Variants in MCPH1 observed in about 807,000 individuals in gnomAD.
MCPH1 encodes microcephalin.
A neutral mutation model predicts 84.5 loss-of-function variants in MCPH1; 104 were observed. The ratio of observed to expected loss-of-function variants is 1.23; its 90% CI spans 1.05 to 1.45. The LOEUF is 1.45. Ranked by LOEUF, MCPH1 falls within the 40% of genes most tolerant of loss-of-function variation. MCPH1 has a pLI of 0.00. For missense variants in MCPH1, 1,498 were observed against 1,005.7 expected, an observed-to-expected ratio of 1.49 and a Z score of -6.62; for synonymous variants, 514 against 366.8, an observed-to-expected ratio of 1.40 and a Z score of -4.58.
intron 9 of MCPH1, among the ~76,000 whole-genome samples, chr8:6,467,914 T>G (rs373083545): frequency 8.5e-5 from 13 of 152,134 alleles, no homozygotes; most frequent in Non-Finnish European, 1.5e-4. Flanking sequence ...GTAATTCTTG[T>G]GGAGTTGGAA....
intron 12 of MCPH1, among the ~76,000 whole-genome samples, chr8:6,539,029 TTGTG>T (rs34625219): frequency 0.32 from 49,112 of 151,212 alleles, 8,977 homozygotes; most frequent in African/African-American, 0.5. Flanking sequence ...AGAGTTGGGC[TTGTG>T]TGTGTGTGTG....
At chr8:6,408,446 TC>T (rs1798053394) in intron 1 of MCPH1, among the ~76,000 whole-genome samples, 1 of 152,146 alleles carries the variant, frequency 6.6e-6, no homozygotes, top group Non-Finnish European at 1.5e-5. Context: ...GGTCTTGAAT[TC>T]CTAGCCTCAA....
At chr8:6,407,059 C>G (rs1418173777) in intron 1 of MCPH1, 2 of 351,580 alleles carry the variant, frequency 5.7e-6, no homozygotes, top group Non-Finnish European at 1.1e-5. Context: ...TGCCTGTCCC[C>G]CAAATCCCGC....
chr8:6,555,104 C>T (rs2515501), intron 12 of MCPH1, among the ~76,000 whole-genome samples: 14,173 of 152,106 alleles, frequency 0.093, 891 homozygotes, highest in Non-Finnish European at 0.14. Context: ...AAACCACTAC[C>T]CATGATTTTT....
At chr8:6,531,193 C>G (rs1270717449) in intron 12 of MCPH1, among the ~76,000 whole-genome samples, 4 of 151,704 alleles carry the variant, frequency 2.6e-5, no homozygotes, top group Non-Finnish European at 5.9e-5. Flanking sequence ...TTCGCTGGGT[C>G]ACATGTTGTG....
chr8:6,579,457 G>A (rs1047661531), intron 12 of MCPH1, among the ~76,000 whole-genome samples: 2 of 152,196 alleles, frequency 1.3e-5, no homozygotes, highest in Admixed American at 6.5e-5. Context: ...GAGCTGGATT[G>A]TCTGTCGCCC....
At chr8:6,607,224 T>G (rs1014731874) in intron 12 of MCPH1, among the ~76,000 whole-genome samples, 1 of 152,184 alleles carries the variant, frequency 6.6e-6, no homozygotes, top group Non-Finnish European at 1.5e-5. Context: ...GGAACATCCT[T>G]GTCTCTGAAG....
In MCPH1 at chr8:6,642,993, G is replaced by A. The variant is rs587783739; in HGVS notation, c.2453-1G>A. On this transcript the variant is annotated splice_acceptor_variant, in intron 13 of 13. Transcript: ENST00000344683. LOFTEE classifies it high-confidence loss of function. ...TAAACTGCTTTTCGCTCTCTCTCTA[G>A]ATTCCATCACCCAGCACAAGGTCTG... 23 of 1,613,814 alleles carry A rather than the reference G, an allele frequency of 1.4e-5. No individual in the cohort carries two copies. The highest frequency in any genetic ancestry group is 4.4e-5 in the South Asian group (4 of 91,062).
At position 6,465,048 on chromosome 8, in the gene MCPH1, C is replaced by G. The variant is rs558773876; in HGVS notation, c.1935+9796C>G. On this transcript the variant is annotated intron_variant, in intron 9 of 13. Coordinates refer to ENST00000344683, the MANE Select transcript of MCPH1 (RefSeq NM_024596.5). ...GCTGGTAGGCATTCTATGCACTGAG[C>G]AAAGGAGAGATGTGGAGGCCCAATT... Among the ~76,000 whole-genome samples the G allele has an allele frequency of 2.6e-5, 4 of 151,850 alleles. No homozygotes were observed. The East Asian group carries it at 7.7e-4, about 29-fold the overall frequency.
chr8:6,552,373 C>T (rs542020562), intron 12 of MCPH1, among the ~76,000 whole-genome samples: 23 of 152,328 alleles, frequency 1.5e-4, no homozygotes, highest in African/African-American at 5.5e-4. Flanking sequence ...CAGAGGCACT[C>T]ATGCAATATG....
chr8:6,544,276 C>T (rs1822138156), intron 12 of MCPH1, among the ~76,000 whole-genome samples: 2 of 152,196 alleles, frequency 1.3e-5, no homozygotes, highest in Non-Finnish European at 2.9e-5. Flanking sequence ...ACACGTTCTA[C>T]TTCTGTCTGT....
intron 12 of MCPH1, among the ~76,000 whole-genome samples, chr8:6,555,297 A>G (rs1408230720): frequency 1.3e-5 from 2 of 152,190 alleles, no homozygotes; most frequent in African/African-American, 2.4e-5. Context: ...AACTTCCCTG[A>G]GGCTGAATTT....
At chr8:6,638,916 A>G (rs1277964095) in intron 13 of MCPH1, among the ~76,000 whole-genome samples, 1 of 152,198 alleles carries the variant, frequency 6.6e-6, no homozygotes, top group Non-Finnish European at 1.5e-5. Context: ...CAGACCTCCC[A>G]GAGTGCTGCC....
chr8:6,590,046 C>T (rs966326193), intron 12 of MCPH1, among the ~76,000 whole-genome samples: 11 of 152,128 alleles, frequency 7.2e-5, no homozygotes, highest in Middle Eastern at 3.2e-3. Flanking sequence ...CATTTTGAAA[C>T]TTTGCACATT....
At chr8:6,517,393 G>C (rs770321147) in intron 12 of MCPH1, among the ~76,000 whole-genome samples, 1 of 152,216 alleles carries the variant, frequency 6.6e-6, no homozygotes, top group East Asian at 1.9e-4. Context: ...CAGGTGTCCT[G>C]TGAAATTTAG....
chr8:6,509,798 C>T (rs905630380), intron 12 of MCPH1, among the ~76,000 whole-genome samples: 4 of 152,174 alleles, frequency 2.6e-5, no homozygotes, highest in African/African-American at 9.7e-5. Flanking sequence ...CTTAAATGTG[C>T]TCGGAACACT....
intron 12 of MCPH1, chr8:6,616,281 A>G (rs1830784971): frequency 6.6e-6 from 1 of 152,170 alleles, no homozygotes; most frequent in Non-Finnish European, 1.5e-5. Context: ...GGGAAAAGCG[A>G]ATGCACTAAT....
chr8:6,613,646 G>A (rs930586961), intron 12 of MCPH1, among the ~76,000 whole-genome samples: 1 of 152,062 alleles, frequency 6.6e-6, no homozygotes, highest in African/African-American at 2.4e-5. Flanking sequence ...GGTTGGAAGG[G>A]GCACCTGTGG....
chr8:6,513,973 T>G, intron 12 of MCPH1: 1 of 870,042 alleles, frequency 1.1e-6, no homozygotes, highest in Admixed American at 2.9e-5. Flanking sequence ...GCTGTGACAA[T>G]TTAGGGTCCT....
Sources: allele counts gnomAD v4.1 joint callset (sites outside exome capture counted in the v4.1 genomes callset), GRCh38; gene constraint gnomAD v4.1.1; transcripts MANE v1.5; gene names NCBI Gene and HGNC (gene_info 2026-07-23, HGNC 2026-07-21).